Variants in ZDHHC21 observed in about 807,000 individuals in gnomAD.
ZDHHC21 encodes the protein zDHHC palmitoyltransferase 21.
In ZDHHC21, 15 loss-of-function variants were observed where a neutral mutation model predicts 34.6. The observed-to-expected ratio is 0.43, with a 90% CI of 0.29 to 0.67. The LOEUF is 0.67. ZDHHC21 is among the 30% of genes least tolerant of loss of function. ZDHHC21 has a pLI of 0.14. For synonymous variants in ZDHHC21, 142 were observed against 101.8 expected, an observed-to-expected ratio of 1.40 and a Z score of -2.38; for missense variants, 344 against 327.7, an observed-to-expected ratio of 1.05 and a Z score of -0.38.
intron 2 of ZDHHC21, among the ~76,000 whole-genome samples, chr9:14,681,842 T>G (rs1011923079): frequency 6.6e-6 from 1 of 152,118 alleles, no homozygotes; most frequent in African/African-American, 2.4e-5. Flanking sequence ...AGCAGATCTC[T>G]TGGCAGAAAC....
At chr9:14,677,850 TCTC>T (rs1358139376) in intron 3 of ZDHHC21, among the ~76,000 whole-genome samples, 2 of 152,086 alleles carry the variant, frequency 1.3e-5, no homozygotes, top group East Asian at 1.9e-4. Context: ...CACCATATAT[TCTC>T]CTCAAGAAGA....
At chr9:14,605,423 ATCTC>A in the ZDHHC21 span, among the ~76,000 whole-genome samples, 39 of 152,206 alleles carry the variant, frequency 2.6e-4, no homozygotes, top group Admixed American at 8.5e-4. Context: ...GTAATTTTGC[ATCTC>A]TCTATTAGTG....
intron 1 of ZDHHC21, among the ~76,000 whole-genome samples, chr9:14,691,682 C>T (rs984584466): frequency 1.3e-4 from 20 of 152,270 alleles, no homozygotes; most frequent in African/African-American, 4.8e-4. Flanking sequence ...CCAACTACAG[C>T]TTCTCAAGTA....
chr9:14,651,753 A>G (rs1043316466), intron 7 of ZDHHC21, among the ~76,000 whole-genome samples: 2 of 151,998 alleles, frequency 1.3e-5, no homozygotes, highest in Non-Finnish European at 2.9e-5. Flanking sequence ...AGTATCCAAT[A>G]AAATGAAATA....
chr9:14,672,447 G>C (rs191420527), intron 5 of ZDHHC21, among the ~76,000 whole-genome samples: 38 of 152,114 alleles, frequency 2.5e-4, no homozygotes, highest in African/African-American at 8.9e-4. Context: ...AATTATCTCT[G>C]TACATAGATC....
downstream of ZDHHC21, among the ~76,000 whole-genome samples, chr9:14,608,317 G>A (rs1015630411): frequency 1.3e-5 from 2 of 152,080 alleles, no homozygotes; most frequent in Non-Finnish European, 2.9e-5. Flanking sequence ...GGGGAGGAGG[G>A]AACATGTCTA....
At chr9:14,687,706 T>A (rs145260595) in intron 2 of ZDHHC21, among the ~76,000 whole-genome samples, 2 of 150,724 alleles carry the variant, frequency 1.3e-5, no homozygotes, top group Non-Finnish European at 2.9e-5. Flanking sequence ...AAAAGTAACG[T>A]TGGGCCTAAA....
chr9:14,677,415 T>G (rs1836618481), intron 3 of ZDHHC21: 1 of 151,922 alleles, frequency 6.6e-6, no homozygotes, highest in African/African-American at 2.4e-5. Flanking sequence ...CTGGAAGAGG[T>G]GCAAGATCTC....
chr9:14,672,543 A>C (rs553068677), intron 5 of ZDHHC21, among the ~76,000 whole-genome samples: 1 of 151,998 alleles, frequency 6.6e-6, no homozygotes, highest in African/African-American at 2.4e-5. Flanking sequence ...CAGGAAGGAC[A>C]ATCTATGCTC....
the ZDHHC21 span, among the ~76,000 whole-genome samples, chr9:14,596,254 G>A: frequency 1.3e-5 from 2 of 152,230 alleles, no homozygotes; most frequent in African/African-American, 4.8e-5. Context: ...AGCAGAATGA[G>A]TATGACCCCC....
At chr9:14,684,621 T>C (rs1402179436) in intron 2 of ZDHHC21, among the ~76,000 whole-genome samples, 2 of 151,784 alleles carry the variant, frequency 1.3e-5, no homozygotes, top group East Asian at 3.9e-4. Flanking sequence ...AAAATGGCCA[T>C]ACTGCCCAAG....
intron 9 of ZDHHC21, 116 bp from the exon 10 acceptor site, chr9:14,619,214 G>A (rs1472430165): frequency 8.9e-7 from 1 of 1,122,754 alleles, no homozygotes; most frequent in Non-Finnish European, 1.2e-6. Flanking sequence ...TTGTGTCCCA[G>A]CATCATAAAT....
Position 14,618,815 on chromosome 9 carries a change from T to C in ZDHHC21, c.*151A>G, listed in dbSNP as rs771543337. On this transcript the variant is annotated 3_prime_UTR_variant, in exon 10 of 10. Transcript: ENST00000380916. ...TATTAGTCCCACAACAGGATCAAGA[T>C]CACTATTAAAATAAAGCCTGGGGCA... 11 of 730,584 alleles carry C rather than the reference T, an allele frequency of 1.5e-5. No homozygotes were observed. Among genetic ancestry groups the C allele is most frequent in the Admixed American group, 4.1e-5 (1 of 24,544 alleles). 45.3% of individuals were successfully genotyped at this position (730,584 alleles called of 1,614,324 possible).
chr9:14,685,111 C>G (rs928488961), intron 2 of ZDHHC21, among the ~76,000 whole-genome samples: 3 of 151,584 alleles, frequency 2.0e-5, no homozygotes, highest in African/African-American at 4.9e-5. Context: ...TAGAAGAAAA[C>G]CTAGGCAATA....
At chr9:14,590,027 A>T in the ZDHHC21 span, 2 of 152,244 alleles carry the variant, frequency 1.3e-5, no homozygotes, top group Non-Finnish European at 1.5e-5. Flanking sequence ...AAGGAGCTTA[A>T]AACACAGCTG....
chr9:14,687,248 A>C lies in ZDHHC21; in HGVS notation c.-176+3089T>G, dbSNP rs77033950. ...GTCACTTGCTGGCTTAAAATCAAGAAAAATCCTACTTTACATTTATAGTTA... is the reference window on the plus strand; with the variant it reads ...GTCACTTGCTGGCTTAAAATCAAGACAAATCCTACTTTACATTTATAGTTA... On this transcript the variant is annotated intron_variant, in intron 2 of 9. Coordinates refer to ENST00000380916, the MANE Select transcript of ZDHHC21 (RefSeq NM_178566.6). Among the ~76,000 whole-genome samples the C allele has an allele frequency of 6.7e-3, 1,017 of 150,890 alleles. 112 individuals carry two copies. Among genetic ancestry groups the C allele is most frequent in the African/African-American group, 0.024 (966 of 40,154 alleles).
At position 14,674,333 on chromosome 9, in the gene ZDHHC21, A is replaced by G. The variant is rs764219280; in HGVS notation, c.8T>C (p.Leu3Pro). 2 of 1,594,346 alleles carry G rather than the reference A, an allele frequency of 1.3e-6. No homozygotes were observed. The highest frequency in any genetic ancestry group is 1.7e-6 in the Non-Finnish European group (2 of 1,172,404). The change falls in exon 4 of 10, where the codon CTC becomes CCC. Residue 3 changes from leucine (L) to proline (P), a missense_variant. Physicochemically the swap from Leu to Pro is moderately conservative, Grantham distance 98. Coordinates refer to ENST00000380916, the MANE Select transcript of ZDHHC21 (RefSeq NM_178566.6). ...TGGGTCAACAACAAAGTGAATCCGGAGACCCATTTTGCAATCTTATAACTG... is the reference window on the plus strand; with the variant it reads ...TGGGTCAACAACAAAGTGAATCCGGGGACCCATTTTGCAATCTTATAACTG... MG[L>P]RIHFVVDPHG...
chr9:14,686,396 A>T (rs1334942809), intron 2 of ZDHHC21, among the ~76,000 whole-genome samples: 1 of 152,116 alleles, frequency 6.6e-6, no homozygotes, highest in East Asian at 1.9e-4. Flanking sequence ...CAAGACAGGG[A>T]ACAAAGGCCA....
intron 2 of ZDHHC21, among the ~76,000 whole-genome samples, chr9:14,680,972 C>T (rs984532279): frequency 7.2e-5 from 11 of 152,152 alleles, no homozygotes; most frequent in Non-Finnish European, 1.3e-4. Context: ...ATGAAGAAGG[C>T]AGACTCTTCA....
Sources: allele counts gnomAD v4.1 joint callset (sites outside exome capture counted in the v4.1 genomes callset), GRCh38; gene constraint gnomAD v4.1.1; transcripts MANE v1.5; gene names NCBI Gene and HGNC (gene_info 2026-07-23, HGNC 2026-07-21).